The following NDRG4 variants were observed in gnomAD, a reference collection of about 807,000 sequenced individuals.
The protein encoded by NDRG4 is NDRG family member 4.
In NDRG4, 38 loss-of-function variants were observed where a neutral mutation model predicts 55.8. The observed-to-expected ratio is 0.68, with a 90% CI of 0.53 to 0.89. The LOEUF is 0.89. Among genes scored for constraint, NDRG4 ranks in the 40% least tolerant of loss-of-function variants. The pLI is 0.00. For missense variants in NDRG4, 455 were observed against 468.6 expected (o/e 0.97, Z 0.27); for synonymous variants, 190 against 182.7 (o/e 1.04, Z -0.32).
chr16:58,480,043 G>T (rs1272505141), intron 1 of NDRG4, among the ~76,000 whole-genome samples: 2 of 152,200 alleles, frequency 1.3e-5, no homozygotes, highest in African/African-American at 4.8e-5. Context: ...GGTAGGATTT[G>T]AGAGGAAGGA....
chr16:58,510,826 C>CA, intron 14 of NDRG4, 143 bp downstream of exon 14: 1 of 765,858 alleles, frequency 1.3e-6, no homozygotes. Flanking sequence ...AGAAACCCCA[C>CA]AGATTCTTGC....
intron 1 of NDRG4, among the ~76,000 whole-genome samples, chr16:58,475,906 C>T (rs182803401): frequency 1.4e-3 from 210 of 152,258 alleles, no homozygotes; most frequent in African/African-American, 4.9e-3. Context: ...AAGTGATTCT[C>T]CTGCCTCAGC....
At chr16:58,469,860 AG>A (rs373683894) in intron 1 of NDRG4, among the ~76,000 whole-genome samples, 8 of 152,382 alleles carry the variant, frequency 5.2e-5, no homozygotes, top group African/African-American at 1.9e-4. Context: ...TTTTACAAAT[AG>A]GTAAACTGAG....
chr16:58,498,652 T>C (rs1046744154), upstream of NDRG4, among the ~76,000 whole-genome samples: 6 of 152,148 alleles, frequency 3.9e-5, no homozygotes, highest in African/African-American at 1.4e-4. Flanking sequence ...AGTTTGGGGC[T>C]TGGCTCTCGG....
In NDRG4 at chr16:58,506,402, C is replaced by G; in HGVS notation, c.388C>G (p.Leu130Val). The G allele has an allele frequency of 1.2e-6, 2 of 1,613,416 alleles. No homozygotes were observed. The highest frequency in any genetic ancestry group is 1.7e-6 in the Non-Finnish European group (2 of 1,179,844). The change falls in exon 6 of 15, where the codon CTG becomes GTG. Residue 130 changes from leucine to valine, a missense_variant. Physicochemically the swap from Leu to Val is conservative, Grantham distance 32. Transcript: ENST00000570248. The stretch of plus-strand genomic sequence containing the variant: ...CTTACTGCAGCTCATCTTCCCCGAC[C>G]TGGTGGAGGGGCTGGTGCTGGTGAA... ...LAKFALIFPD[L>V]VEGLVLVNID...
At position 58,512,457 on chromosome 16, in the gene NDRG4, C is replaced by A; in HGVS notation, c.*881C>A. On this transcript the variant is annotated 3_prime_UTR_variant, in exon 15 of 15. Coordinates refer to ENST00000570248, the MANE Select transcript of NDRG4 (RefSeq NM_001242835.2). ...CAGGGGTAGCTGAGTTCCTGGAGAC[C>A]CCTTTTTTGCCCCCAGGTTCCCCAG... The A allele has an allele frequency of 4.1e-6, 1 of 244,070 alleles. No homozygotes were observed. Among genetic ancestry groups the A allele is most frequent in the South Asian group, 4.2e-5 (1 of 23,862 alleles). 15.1% of individuals were successfully genotyped at this position (244,070 alleles called of 1,614,324 possible). A position where few individuals can be genotyped will look rare whatever the true frequency, so the allele number is the denominator to read the frequency against.
At chr16:58,501,243 A>G in intron 1 of NDRG4, 1 of 408,048 alleles carries the variant, frequency 2.5e-6, no homozygotes. Context: ...CTGTCCCCTG[A>G]ATTATTGATG....
At chr16:58,489,476 G>A (rs996611402) in intron 2 of NDRG4, among the ~76,000 whole-genome samples, 1 of 151,574 alleles carries the variant, frequency 6.6e-6, no homozygotes, top group Non-Finnish European at 1.5e-5. Context: ...AATTTGCAGG[G>A]CTGGCTCCAC....
chr16:58,498,331 G>A (rs2036636871), upstream of NDRG4, among the ~76,000 whole-genome samples: 1 of 152,138 alleles, frequency 6.6e-6, no homozygotes, highest in Non-Finnish European at 1.5e-5. Flanking sequence ...GGGAGCACAG[G>A]GCCTGTCAGT....
At chr16:58,509,493 C>G in intron 13 of NDRG4, 141 bp downstream of exon 13, 1 of 855,104 alleles carries the variant, frequency 1.2e-6, no homozygotes, top group Non-Finnish European at 1.8e-6. Flanking sequence ...TTTGTGTGAC[C>G]TGGGCCCCGG....
intron 1 of NDRG4, among the ~76,000 whole-genome samples, chr16:58,479,176 A>T (rs1241082095): frequency 6.6e-6 from 1 of 152,100 alleles, no homozygotes; most frequent in Non-Finnish European, 1.5e-5. Context: ...TTACAGGTGT[A>T]AGCCACTGTG....
At chr16:58,496,133 C>T (rs149102748), upstream of NDRG4, among the ~76,000 whole-genome samples, 132 of 152,248 alleles carry the variant, frequency 8.7e-4, no homozygotes, top group South Asian at 0.014. Flanking sequence ...GGGAGGCCGA[C>T]GCCAACAGTG....
At position 58,512,491 on chromosome 16, in the gene NDRG4, G is replaced by A. The variant is rs368157236; in HGVS notation, c.*915G>A. On this transcript the variant is annotated 3_prime_UTR_variant, in exon 15 of 15. Transcript: ENST00000570248. ...GCCCCCAGGTTCCCCAGAGGGCAAC[G>A]CCATCAGTAGCAGTGTGGTGTTTCA... 3.0e-4 allele frequency: 73 copies of A among 245,770 alleles called. No homozygotes were observed. The highest frequency in any genetic ancestry group is 2.8e-3 in the South Asian group (67 of 23,912). 15.2% of individuals were successfully genotyped at this position (245,770 alleles called of 1,614,324 possible). A position where few individuals can be genotyped will look rare whatever the true frequency, so the allele number is the denominator to read the frequency against.
At chr16:58,471,010 G>A (rs2032700334) in intron 1 of NDRG4, among the ~76,000 whole-genome samples, 1 of 152,014 alleles carries the variant, frequency 6.6e-6, no homozygotes, top group Admixed American at 6.6e-5. Flanking sequence ...GACTTGGAAG[G>A]TGGAGGAAGG....
intron 1 of NDRG4, chr16:58,501,336 A>C (rs892047305): frequency 1.1e-5 from 4 of 361,250 alleles, no homozygotes; most frequent in African/African-American, 8.4e-5. Context: ...ACTCCCCTCC[A>C]GTGCTCAAGG....
chr16:58,487,877 C>A, intron 2 of NDRG4: 1 of 1,486,840 alleles, frequency 6.7e-7, no homozygotes, highest in Non-Finnish European at 9.0e-7. Context: ...CCTTTGAGGT[C>A]TTAGGGCCGA....
At chr16:58,499,883 C>G (rs372542253), upstream of NDRG4, 1 of 411,514 alleles carries the variant, frequency 2.4e-6, no homozygotes, top group East Asian at 5.4e-5. Context: ...CAGCTGTTGG[C>G]GTGTGCCTAT....
chr16:58,507,236 C>A (rs1724440793), intron 8 of NDRG4: 1 of 566,106 alleles, frequency 1.8e-6, no homozygotes, highest in Non-Finnish European at 3.2e-6. Context: ...TCCACTTTTC[C>A]TCCTCCCCTG....
intron 7 of NDRG4, 91 bp from the exon 8 acceptor site, chr16:58,506,821 C>A: frequency 7.5e-7 from 1 of 1,325,598 alleles, no homozygotes; most frequent in East Asian, 2.5e-5. Flanking sequence ...GGGGCAAGGG[C>A]CACTCTGGCA....
Sources: allele counts gnomAD v4.1 joint callset (sites outside exome capture counted in the v4.1 genomes callset), GRCh38; gene constraint gnomAD v4.1.1; transcripts MANE v1.5; gene names NCBI Gene and HGNC (gene_info 2026-07-23, HGNC 2026-07-21).